Variants in ZP1 observed in about 807,000 individuals in gnomAD.
ZP1 encodes the protein zona pellucida sperm-binding protein 1.
A neutral mutation model predicts 67.4 loss-of-function variants in ZP1; 58 were observed. That is an observed-to-expected ratio of 0.86 (90% CI 0.70 to 1.07). The LOEUF is 1.07. Ranked by LOEUF, ZP1 falls within the 50% of genes least tolerant of loss-of-function variation. ZP1 has a pLI of 0.00. For missense variants in ZP1, 759 were observed against 807.3 expected, an observed-to-expected ratio of 0.94 and a Z score of 0.72; for synonymous variants, 333 against 332.7, an observed-to-expected ratio of 1.00 and a Z score of -0.01.
chr11:60,875,236 C>G lies in ZP1; in HGVS notation c.1762C>G (p.Leu588Val), dbSNP rs1443379264. The part of the protein sequence containing the change: ...FEDSYGQEPT[L>V]GPTDSNGNSS... ...GGATTCTTATGGGCAGGAGCCCACACTTGGGCCCACAGGTAGGAGGGCTTC... is the reference window on the plus strand; with the variant it reads ...GGATTCTTATGGGCAGGAGCCCACAGTTGGGCCCACAGGTAGGAGGGCTTC... Residue 588 changes from leucine to valine, a missense_variant, in exon 11 of 12, where the codon CTT becomes GTT. Coordinates refer to ENST00000278853, the MANE Select transcript of ZP1 (RefSeq NM_207341.4). 2 of 1,612,336 alleles carry G rather than the reference C, an allele frequency of 1.2e-6. No individual in the cohort carries two copies. The highest frequency in any genetic ancestry group is 4.5e-5 in the East Asian group (2 of 44,886).
rs1240285864 is a variant in ZP1 at position 60,867,879 on chromosome 11, G to GC, written c.196+128dup. On this transcript the variant is annotated intron_variant, in intron 1 of 11. Coordinates refer to ENST00000278853, the MANE Select transcript of ZP1 (RefSeq NM_207341.4). ...CCTCCCTCCAGCCTGGGGGTGTCCA[G>GC]CCCCCCACCCCCTCACCACAGAAAA... 12 of 1,088,918 alleles carry GC rather than the reference G, an allele frequency of 1.1e-5. No homozygotes were observed. In the Middle Eastern group the frequency reaches 1.2e-3, roughly 106 times the overall value. The allele number at this position is 1,088,918 out of a possible 1,614,324, so 67.5% of individuals were successfully genotyped here.
At position 60,867,686 on chromosome 11, in the gene ZP1, A is replaced by G; in HGVS notation, c.125A>G (p.Asp42Gly). 2 of 1,614,028 alleles carry G rather than the reference A, an allele frequency of 1.2e-6. No individual in the cohort carries two copies. Among genetic ancestry groups the G allele is most frequent in the Non-Finnish European group, 8.5e-7 (1 of 1,179,958 alleles). Residue 42 changes from aspartate to glycine, a missense_variant, in exon 1 of 12, where the codon GAC becomes GGC. By Grantham distance (94) the Asp-to-Gly change is moderately conservative (BLOSUM62 -1). Transcript: ENST00000278853. ...PGLPGLRHSYDCGIKGMQLLV... is the reference protein window; with the variant it reads ...PGLPGLRHSYGCGIKGMQLLV... ...CTCCCAGGCCTCCGGCACAGCTACG[A>G]CTGTGGGATCAAGGGAATGCAGCTG... is the stretch of plus-strand genomic sequence containing the variant.
chr11:60,875,368 A>C, intron 11 of ZP1, 120 bp downstream of exon 11: 1 of 1,511,682 alleles, frequency 6.6e-7, no homozygotes, highest in Non-Finnish European at 8.9e-7. Context: ...CACTGCAGTC[A>C]GTGGGGAACT....
chr11:60,867,815 G>A, intron 1 of ZP1, 58 bp downstream of exon 1: 1 of 1,569,148 alleles, frequency 6.4e-7, no homozygotes, highest in Non-Finnish European at 8.6e-7. Flanking sequence ...CTGCCAGAAG[G>A]GAGCTGGGAC....
In ZP1 at chr11:60,867,703, A is replaced by C. The variant is rs200204681; in HGVS notation, c.142A>C (p.Met48Leu). 7 of 1,613,968 alleles carry C rather than the reference A, an allele frequency of 4.3e-6. No individual in the cohort carries two copies. In the East Asian group the frequency reaches 1.3e-4, roughly 31 times the overall value. Residue 48 changes from methionine (M) to leucine (L), a missense_variant, in exon 1 of 12, where the codon ATG becomes CTG. Transcript: ENST00000278853. ...RHSYDCGIKG[M>L]QLLVFPRPGQ... is the part of the protein sequence containing the mutation. ...CAGCTACGACTGTGGGATCAAGGGAATGCAGCTGCTGGTGTTCCCCAGGCC... is the reference window on the plus strand; with the variant it reads ...CAGCTACGACTGTGGGATCAAGGGACTGCAGCTGCTGGTGTTCCCCAGGCC...
chr11:60,874,658 G>A (rs1296464899), intron 9 of ZP1, among the ~76,000 whole-genome samples: 2 of 152,254 alleles, frequency 1.3e-5, no homozygotes, highest in East Asian at 3.8e-4. Flanking sequence ...GCATTACGAA[G>A]TGCGGTGGTC....
rs781295255 is a variant in ZP1 at position 60,870,399 on chromosome 11, T to C, written c.750T>C (p.Thr250=). The C allele has an allele frequency of 6.8e-6, 11 of 1,613,546 alleles. No homozygotes were observed. The highest frequency in any genetic ancestry group is 8.5e-6 in the Non-Finnish European group (10 of 1,179,826). Residue 250 remains threonine, a synonymous_variant, in exon 4 of 12, where the codon ACT becomes ACC. Coordinates refer to ENST00000278853, the MANE Select transcript of ZP1 (RefSeq NM_207341.4). ...SGHLPCIVRR[T]SKEACQQAGC... is the part of the protein sequence containing the mutation. ...ACCTCCCCTGCATCGTGAGAAGAACTTCAAAAGAAGCCTGTCAGCAGGCTG... is the reference window on the plus strand; with the variant it reads ...ACCTCCCCTGCATCGTGAGAAGAACCTCAAAAGAAGCCTGTCAGCAGGCTG...
chr11:60,869,154 G>A lies in ZP1; in HGVS notation c.206G>A (p.Gly69Glu). ...TLRFKVVDEFGNRFDVNNCSI... is the reference protein window; with the variant it reads ...TLRFKVVDEFENRFDVNNCSI... ...CCTTCCCCCACTGCAGATGAATTTG[G>A]GAACCGATTTGATGTCAACAACTGC... The change falls in exon 2 of 12, where the codon GGG (glycine) becomes GAG (glutamate). Residue 69 changes from glycine to glutamate, a missense_variant. Physicochemically the swap from Gly to Glu is moderately conservative, Grantham distance 98. Coordinates refer to ENST00000278853, the MANE Select transcript of ZP1 (RefSeq NM_207341.4). The A allele has an allele frequency of 6.2e-7, 1 of 1,614,098 alleles. No individual in the cohort carries two copies. The highest frequency in any genetic ancestry group is 8.5e-7 in the Non-Finnish European group (1 of 1,180,018).
intron 1 of ZP1, 61 bp from the exon 2 acceptor site, chr11:60,869,084 C>T (rs1328265526): frequency 1.0e-5 from 16 of 1,600,924 alleles, no homozygotes; most frequent in Admixed American, 6.8e-5. Context: ...CCTTCCGAGA[C>T]CCCAGCAACC....
rs1304527467 is a variant in ZP1, at chr11:60,868,210, C to G, written c.196+453C>G. Among the ~76,000 whole-genome samples the G allele has an allele frequency of 3.9e-5, 6 of 152,144 alleles. No homozygotes were observed. In the South Asian group the frequency reaches 1.2e-3, roughly 32 times the overall value. On this transcript the variant is annotated intron_variant, in intron 1 of 11. Coordinates refer to ENST00000278853, the MANE Select transcript of ZP1 (RefSeq NM_207341.4). ...TACAGGTGTGTGCCACCACGCCCAG[C>G]TACTTTTTGTATTTTTAGTAGAGAT... is the stretch of plus-strand genomic sequence containing the variant.
At chr11:60,872,216 T>TA (rs960924086) in intron 6 of ZP1, among the ~76,000 whole-genome samples, 13 of 152,064 alleles carry the variant, frequency 8.5e-5, no homozygotes, top group Admixed American at 2.6e-4. Flanking sequence ...TATTTTAATT[T>TA]AAAAAAACCC....
chr11:60,870,480 A>T lies in ZP1; in HGVS notation c.826+5A>T. On this transcript the variant is annotated splice_donor_5th_base_variant and intron_variant, in intron 4 of 11. Coordinates refer to ENST00000278853, the MANE Select transcript of ZP1 (RefSeq NM_207341.4). ...CCTGTTACTATGGCAACACAGGTAC[A>T]ACCTCCCACCCCAGCAAGATCCTGG... The T allele has an allele frequency of 1.2e-6, 2 of 1,601,164 alleles. No individual in the cohort carries two copies. The highest frequency in any genetic ancestry group is 1.7e-6 in the Non-Finnish European group (2 of 1,172,970).
intron 1 of ZP1, 92 bp from the exon 2 acceptor site, chr11:60,869,053 C>T (rs760624489): frequency 6.6e-6 from 10 of 1,518,070 alleles, no homozygotes; most frequent in African/African-American, 5.5e-5. Context: ...ACCCAGGTCT[C>T]CTGGCTGCTG....
At chr11:60,871,916 G>A (rs557604067) in intron 6 of ZP1, among the ~76,000 whole-genome samples, 2 of 152,320 alleles carry the variant, frequency 1.3e-5, no homozygotes, top group East Asian at 3.9e-4. Flanking sequence ...GTGTGACCAG[G>A]GGCAAAGCAC....
rs767983251 is a variant in ZP1 at position 60,875,541 on chromosome 11, C to G, written c.1802C>G (p.Pro601Arg). The G allele has an allele frequency of 6.2e-7, 1 of 1,614,088 alleles. No homozygotes were observed. The highest frequency in any genetic ancestry group is 1.1e-5 in the South Asian group (1 of 91,080). ...TDSNGNSSLR[P>R]LLWAVLLLPA... The stretch of plus-strand genomic sequence containing the variant: ...TCCAATGGGAACTCCAGCCTGAGAC[C>G]TCTCCTTTGGGCGGTCCTTTTGCTG... The change falls in exon 12 of 12, where the codon CCT (proline) becomes CGT (arginine). Residue 601 changes from proline (P) to arginine (R), a missense_variant. Physicochemically the swap from Pro to Arg is moderately radical, Grantham distance 103. Transcript: ENST00000278853.
chr11:60,869,837 AC>A lies in ZP1; in HGVS notation c.622del (p.Leu208TrpfsTer14). 6.2e-7 allele frequency: 1 copy of A among 1,603,508 alleles called. No homozygotes were observed. On this transcript the variant is annotated frameshift_variant, in exon 3 of 12. Coordinates refer to ENST00000278853, the MANE Select transcript of ZP1 (RefSeq NM_207341.4). LOFTEE classifies it high-confidence loss of function. ...CCCTGGACCTGGACCTACCCTCGCC[AC>A]CCTGGCTCAACCCCACTGGGGCACC... Reference protein sequence around the residue: ...PSPGPGPTLATLAQPHWGTLE... With the variant: ...PSPGPGPTLAXLAQPHWGTLE...
chr11:60,868,102 A>G (rs552088730), intron 1 of ZP1, among the ~76,000 whole-genome samples: 2 of 148,294 alleles, frequency 1.3e-5, no homozygotes, highest in Non-Finnish European at 3.0e-5. Context: ...GCTTGAGTGC[A>G]GTTGGCACGA....
rs747673038 is a variant in ZP1 at position 60,871,137 on chromosome 11, C to T, written c.1007C>T (p.Thr336Ile). 9 of 1,614,058 alleles carry T rather than the reference C, an allele frequency of 5.6e-6. No homozygotes were observed. Among genetic ancestry groups the T allele is most frequent in the South Asian group, 1.1e-5 (1 of 91,084 alleles). Residue 336 changes from threonine to isoleucine, a missense_variant, in exon 5 of 12, where the codon ACA becomes ATA. Transcript: ENST00000278853. Reference sequence around the variant, plus strand: ...TTCCCTCTCACCCACTGTGGAACCACAATGCAGGTAGGAGCCGGGACCACA... The same window carrying T: ...TTCCCTCTCACCCACTGTGGAACCATAATGCAGGTAGGAGCCGGGACCACA... ...FYFPLTHCGT[T>I]MQVAGDQLIY...
intron 1 of ZP1, among the ~76,000 whole-genome samples, chr11:60,868,022 G>T (rs1815882): frequency 1.4e-5 from 2 of 147,556 alleles, no homozygotes; most frequent in African/African-American, 5.0e-5. Context: ...GCAGGGCCAA[G>T]CCTCTGCATT....
Sources: allele counts gnomAD v4.1 joint callset (sites outside exome capture counted in the v4.1 genomes callset), GRCh38; gene constraint gnomAD v4.1.1; transcripts MANE v1.5; gene names NCBI Gene and HGNC (gene_info 2026-07-23, HGNC 2026-07-21).